The following SHISAL1 variants were observed in gnomAD, a reference collection of about 807,000 sequenced individuals.
SHISAL1 encodes shisa like 1.
A neutral mutation model predicts 22.6 loss-of-function variants in SHISAL1; 9 were observed. The observed-to-expected ratio is 0.40, with a 90% CI of 0.24 to 0.70. SHISAL1 has a LOEUF of 0.70. Ranked by LOEUF, SHISAL1 falls within the 30% of genes least tolerant of loss-of-function variation. The probability of loss-of-function intolerance (pLI) is 0.39; values close to 1 mark genes in which losing one functional copy is unlikely to be tolerated. For synonymous variants in SHISAL1, 119 were observed against 115.4 expected (o/e 1.03, Z -0.20); for missense variants, 246 against 270.6 (o/e 0.91, Z 0.64).
intron 3 of SHISAL1, among the ~76,000 whole-genome samples, chr22:44,286,357 T>C (rs1490359791): frequency 6.6e-5 from 10 of 152,154 alleles, no homozygotes; most frequent in Admixed American, 5.2e-4. Flanking sequence ...ACCTCACTTC[T>C]GTTATTCATT....
intron 3 of SHISAL1, among the ~76,000 whole-genome samples, chr22:44,292,989 C>A (rs1267607087): frequency 1.3e-5 from 2 of 152,188 alleles, no homozygotes; most frequent in Admixed American, 6.5e-5. Context: ...GCTTGATGGC[C>A]TCAGAAGAAA....
At chr22:44,277,449 C>CAAACAAAACAAAACAAAACAAAACA (rs59568852) in intron 4 of SHISAL1, among the ~76,000 whole-genome samples, 131 of 150,594 alleles carry the variant, frequency 8.7e-4, no homozygotes, top group Non-Finnish European at 1.4e-3. Context: ...ACTCTGCCTC[C>CAAACAAAACAAAACAAAACAAAACA]AAACAAAACA....
the SHISAL1 span, among the ~76,000 whole-genome samples, chr22:44,321,946 G>A: frequency 6.6e-6 from 1 of 152,194 alleles, no homozygotes; most frequent in East Asian, 1.9e-4. Flanking sequence ...TTACAGAGAA[G>A]GAAACCGAGG....
At chr22:44,324,760 C>G in the SHISAL1 span, among the ~76,000 whole-genome samples, 2 of 152,174 alleles carry the variant, frequency 1.3e-5, no homozygotes, top group African/African-American at 4.8e-5. Flanking sequence ...GGCAGCCTGC[C>G]TGAGATCAGC....
intron 4 of SHISAL1, among the ~76,000 whole-genome samples, chr22:44,250,799 G>T (rs2055042240): frequency 6.6e-6 from 1 of 152,220 alleles, no homozygotes; most frequent in African/African-American, 2.4e-5. Context: ...CATTGCAGTT[G>T]AATTTCTTTT....
the SHISAL1 span, among the ~76,000 whole-genome samples, chr22:44,321,894 C>T: frequency 6.6e-6 from 1 of 152,106 alleles, no homozygotes; most frequent in Non-Finnish European, 1.5e-5. Flanking sequence ...ATGGTCCCTC[C>T]TGGGTTCAGA....
chr22:44,326,338 G>T, the SHISAL1 span, among the ~76,000 whole-genome samples: 1 of 152,096 alleles, frequency 6.6e-6, no homozygotes, highest in Non-Finnish European at 1.5e-5. Flanking sequence ...AATCTGGCAC[G>T]GGAGACAAAC....
chr22:44,257,736 G>A lies in SHISAL1; in HGVS notation c.*-8051C>T, dbSNP rs759654503. Among the ~76,000 whole-genome samples the A allele has an allele frequency of 3.9e-5, 6 of 152,234 alleles. No homozygotes were observed. The East Asian group carries it at 7.7e-4, about 20-fold the overall frequency. On this transcript the variant is annotated intron_variant, in intron 4 of 4. Transcript: ENST00000381176. Reference sequence around the variant, plus strand: ...GGACTCGCCACCGTGCTCAGCAGACGATCCAGCAACCTCTCTCTGCATGCA... The same window carrying A: ...GGACTCGCCACCGTGCTCAGCAGACAATCCAGCAACCTCTCTCTGCATGCA...
At chr22:44,290,208 G>T (rs2055343432) in intron 3 of SHISAL1, among the ~76,000 whole-genome samples, 1 of 152,198 alleles carries the variant, frequency 6.6e-6, no homozygotes, top group Admixed American at 6.5e-5. Flanking sequence ...ATGGCCGATG[G>T]CCCCTCTGCT....
intron 4 of SHISAL1, among the ~76,000 whole-genome samples, chr22:44,274,569 G>C (rs377371120): frequency 1.3e-5 from 2 of 152,116 alleles, no homozygotes; most frequent in African/African-American, 4.8e-5. Flanking sequence ...AAAATTATAC[G>C]TTGTATAAAC....
chr22:44,261,155 A>ATT (rs2055121747), intron 4 of SHISAL1, among the ~76,000 whole-genome samples: 9 of 143,156 alleles, frequency 6.3e-5, no homozygotes, highest in Non-Finnish European at 7.6e-5. Flanking sequence ...TGACTTTTAA[A>ATT]AAAAAAAAAT....
At position 44,291,465 on chromosome 22, in the gene SHISAL1, T is replaced by G. The variant is rs547831090; in HGVS notation, c.281+5207A>C. Among the ~76,000 whole-genome samples, 7 of 152,294 alleles carry G rather than the reference T, an allele frequency of 4.6e-5. No homozygotes were observed. In the South Asian group the frequency reaches 1.5e-3, roughly 32 times the overall value. ...AGTGAACGGGGCTAGTGGAAGGTCCTTCATAGATAACAGATGGAGGGTGTC... is the reference window on the plus strand; with the variant it reads ...AGTGAACGGGGCTAGTGGAAGGTCCGTCATAGATAACAGATGGAGGGTGTC... On this transcript the variant is annotated intron_variant, in intron 3 of 4. Transcript: ENST00000381176.
intron 1 of SHISAL1, 75 bp from the exon 2 acceptor site, chr22:44,301,052 G>T: frequency 9.5e-7 from 1 of 1,048,114 alleles, no homozygotes; most frequent in South Asian, 1.4e-5. Flanking sequence ...CACAGCGGGG[G>T]ACGGGCAGGC....
chr22:44,285,082 T>G (rs1378372880), intron 4 of SHISAL1, among the ~76,000 whole-genome samples: 1 of 152,174 alleles, frequency 6.6e-6, no homozygotes, highest in Non-Finnish European at 1.5e-5. Flanking sequence ...TTGGCCAGAT[T>G]TACAACTCAA....
the SHISAL1 span, among the ~76,000 whole-genome samples, chr22:44,329,084 C>T: frequency 6.6e-6 from 1 of 152,242 alleles, no homozygotes; most frequent in Non-Finnish European, 1.5e-5. Flanking sequence ...CCCCCAGGAG[C>T]TCCCCACTGC....
chr22:44,254,570 C>T (rs2055071738), intron 4 of SHISAL1, among the ~76,000 whole-genome samples: 1 of 152,126 alleles, frequency 6.6e-6, no homozygotes, highest in African/African-American at 2.4e-5. Flanking sequence ...CTGTGTTGCC[C>T]AGGCTGATCT....
rs566154486 is a variant in SHISAL1 at position 44,256,267 on chromosome 22, C to T, written c.*-6582G>A. ...TCAGCTCTCCTGGGTCTCAGGCTCT[C>T]GACTCAAAGTGGAACTCACACCATT... is the stretch of plus-strand genomic sequence containing the variant. On this transcript the variant is annotated intron_variant, in intron 4 of 4. Transcript: ENST00000381176. 2.5e-4 allele frequency among the ~76,000 whole-genome samples: 38 copies of T among 149,616 alleles called. No individual in the cohort carries two copies. In the South Asian group the frequency reaches 7.5e-3, roughly 30 times the overall value.
chr22:44,298,490 G>A (rs1344717041), intron 2 of SHISAL1, among the ~76,000 whole-genome samples: 6 of 152,250 alleles, frequency 3.9e-5, no homozygotes, highest in Non-Finnish European at 5.9e-5. Flanking sequence ...CTGGCCTAGC[G>A]GCAAGGGGCA....
chr22:44,255,385 C>G (rs182817767), intron 4 of SHISAL1, among the ~76,000 whole-genome samples: 8 of 152,298 alleles, frequency 5.3e-5, no homozygotes, highest in Admixed American at 3.3e-4. Context: ...CCTCCTCCAC[C>G]TAGCTTTTCC....
Sources: gnomAD v4.1 joint callset for allele counts (sites outside exome capture counted in the v4.1 genomes callset) on GRCh38, gnomAD v4.1.1 for gene constraint, MANE v1.5 for transcripts, NCBI Gene and HGNC (gene_info 2026-07-23, HGNC 2026-07-21) for gene names.